The following NFIB variants were observed in gnomAD, a reference collection of about 807,000 sequenced individuals.
The protein encoded by NFIB is nuclear factor I B.
A neutral mutation model predicts 61.5 loss-of-function variants in NFIB; 11 were observed. The observed-to-expected ratio is 0.18, with a 90% CI of 0.11 to 0.30. The LOEUF is 0.30. NFIB is among the 10% of genes least tolerant of loss of function. NFIB has a pLI of 1.00. For missense variants in NFIB, 471 were observed against 608.9 expected (o/e 0.77, Z 2.38); for synonymous variants, 260 against 216.5 (o/e 1.20, Z -1.76).
the NFIB span, among the ~76,000 whole-genome samples, chr9:14,424,998 T>C: frequency 6.6e-6 from 1 of 152,176 alleles, no homozygotes; most frequent in Non-Finnish European, 1.5e-5. Flanking sequence ...GCCTTTGCTC[T>C]AGAGACAAGG....
chr9:14,165,148 A>C (rs2044638999), intron 3 of NFIB, among the ~76,000 whole-genome samples: 2 of 152,198 alleles, frequency 1.3e-5, no homozygotes, highest in Admixed American at 6.5e-5. Context: ...AAACAGCACC[A>C]GGTCCAGGCG....
chr9:14,183,405 A>AATT (rs1554665018), intron 2 of NFIB, among the ~76,000 whole-genome samples: 22 of 144,866 alleles, frequency 1.5e-4, no homozygotes, highest in African/African-American at 4.6e-4. Flanking sequence ...GGGAAAAAAA[A>AATT]TTTTTTTTTT....
At chr9:14,472,153 G>A in the NFIB span, among the ~76,000 whole-genome samples, 1 of 152,234 alleles carries the variant, frequency 6.6e-6, no homozygotes. Flanking sequence ...TGAGGTCTAT[G>A]TTGTGTCCCT....
Position 14,152,899 on chromosome 9 carries a change from T to C in NFIB, c.686-2634A>G, listed in dbSNP as rs563830261. On this transcript the variant is annotated intron_variant, in intron 4 of 10. Coordinates refer to ENST00000380953, the MANE Select transcript of NFIB (RefSeq NM_001190737.2). ...GGGAGGTGAGGAGATGAAGAGAGAT[T>C]GGTTAATGGGTAAAAACATACAGTT... 9.4e-4 allele frequency among the ~76,000 whole-genome samples: 143 copies of C among 151,996 alleles called. 1 individual carries two copies. The highest frequency in any genetic ancestry group is 1.7e-3 in the Non-Finnish European group (113 of 67,926).
At chr9:14,501,800 G>C in the NFIB span, among the ~76,000 whole-genome samples, 4 of 152,200 alleles carry the variant, frequency 2.6e-5, no homozygotes, top group Non-Finnish European at 5.9e-5. Context: ...TAGCACCAGA[G>C]AATTTACCTT....
chr9:14,179,639 C>T, intron 3 of NFIB, 88 bp downstream of exon 3: 1 of 1,415,038 alleles, frequency 7.1e-7, no homozygotes. Flanking sequence ...AAATAGGCAG[C>T]TGACCAATTA....
chr9:14,104,256 A>C (rs2036219698), intron 10 of NFIB, among the ~76,000 whole-genome samples: 2 of 152,184 alleles, frequency 1.3e-5, no homozygotes. Context: ...CATGAAGGAA[A>C]AAAAAGTACA....
chr9:14,289,873 A>C (rs1173080454), intron 2 of NFIB, among the ~76,000 whole-genome samples: 1 of 152,040 alleles, frequency 6.6e-6, no homozygotes, highest in African/African-American at 2.4e-5. Context: ...AACATAAAGG[A>C]AAAAAATAAA....
chr9:14,163,860 T>C (rs548597946), intron 3 of NFIB, among the ~76,000 whole-genome samples: 38 of 151,906 alleles, frequency 2.5e-4, no homozygotes, highest in Non-Finnish European at 4.4e-4. Context: ...GGCCATACTG[T>C]CTCATCTTTG....
the NFIB span, among the ~76,000 whole-genome samples, chr9:14,454,939 T>A: frequency 6.6e-6 from 1 of 152,214 alleles, no homozygotes; most frequent in African/African-American, 2.4e-5. Context: ...CTGGAATGAA[T>A]TGAATTCTGA....
chr9:14,374,699 C>T (rs574773376), intron 1 of NFIB, among the ~76,000 whole-genome samples: 67 of 152,266 alleles, frequency 4.4e-4, no homozygotes, highest in Middle Eastern at 6.8e-3. Context: ...CACTTGCGGT[C>T]GGGAGTTCGA....
intron 2 of NFIB, among the ~76,000 whole-genome samples, chr9:14,206,201 G>C (rs1033858168): frequency 1.3e-5 from 2 of 148,154 alleles, no homozygotes; most frequent in Non-Finnish European, 3.0e-5. Flanking sequence ...TCTTCTTTGA[G>C]ATGGAATCTC....
chr9:14,150,341 T>C, intron 4 of NFIB, 76 bp from the exon 5 acceptor site: 1 of 1,597,038 alleles, frequency 6.3e-7, no homozygotes, highest in Non-Finnish European at 8.5e-7. Context: ...TAATCGAGAA[T>C]CTTTCATGCC....
At chr9:14,399,389 G>T (rs986790510), upstream of NFIB, among the ~76,000 whole-genome samples, 1 of 152,110 alleles carries the variant, frequency 6.6e-6, no homozygotes, top group African/African-American at 2.4e-5. Context: ...ATTAACACAG[G>T]AATTCTAAAT....
chr9:14,205,560 A>G (rs147562375), intron 2 of NFIB, among the ~76,000 whole-genome samples: 76 of 152,126 alleles, frequency 5.0e-4, no homozygotes, highest in African/African-American at 1.8e-3. Context: ...TTTTTCTTTG[A>G]GACTGTTCCG....
intron 1 of NFIB, among the ~76,000 whole-genome samples, chr9:14,364,468 T>C (rs1208997706): frequency 6.6e-6 from 1 of 152,214 alleles, no homozygotes; most frequent in Admixed American, 6.5e-5. Flanking sequence ...AGAAACAATT[T>C]GTCTCTGAAT....
the NFIB span, among the ~76,000 whole-genome samples, chr9:14,439,149 T>C: frequency 6.6e-6 from 1 of 151,994 alleles, no homozygotes; most frequent in African/African-American, 2.4e-5. Flanking sequence ...GACAAGAGGA[T>C]CATTTGAGGC....
In NFIB at chr9:14,339,257, G is replaced by A. The variant is rs572977733; in HGVS notation, c.109-31737C>T. On this transcript the variant is annotated intron_variant, in intron 1 of 8. Coordinates refer to the NFIB transcript ENST00000380934. Reference sequence around the variant, plus strand: ...CCTATTGTAAGCACTCAAAAATGTTGGCTATTATTACTATTATTGTTGTTG... The same window carrying A: ...CCTATTGTAAGCACTCAAAAATGTTAGCTATTATTACTATTATTGTTGTTG... 1.6e-4 allele frequency among the ~76,000 whole-genome samples: 24 copies of A among 152,232 alleles called. No individual in the cohort carries two copies. The East Asian group carries it at 3.5e-3, about 22-fold the overall frequency.
chr9:14,367,883 G>A (rs111961187), intron 1 of NFIB, among the ~76,000 whole-genome samples: 2 of 152,278 alleles, frequency 1.3e-5, no homozygotes, highest in South Asian at 2.1e-4. Context: ...CTGTCAGGGG[G>A]TGAGGGGCTA....
Sources: allele counts gnomAD v4.1 joint callset (sites outside exome capture counted in the v4.1 genomes callset), GRCh38; gene constraint gnomAD v4.1.1; transcripts MANE v1.5; gene names NCBI Gene and HGNC (gene_info 2026-07-23, HGNC 2026-07-21).